MALRD1: variants seen among roughly 807,000 people sequenced by gnomAD.
MALRD1 encodes the protein MAM and LDL receptor class A domain containing 1.
In MALRD1, 247 loss-of-function variants were observed where a neutral mutation model predicts 242.1. The ratio of observed to expected loss-of-function variants is 1.02; its 90% CI spans 0.92 to 1.13. The LOEUF (loss-of-function observed/expected upper bound fraction) is 1.13, where lower values mean the gene tolerates loss of function less well. Ranked by LOEUF, MALRD1 falls within the 50% of genes most tolerant of loss-of-function variation. The probability of loss-of-function intolerance (pLI) is 0.00; values close to 1 mark genes in which losing one functional copy is unlikely to be tolerated. For missense variants in MALRD1, 2,989 were observed against 2,533.1 expected, an observed-to-expected ratio of 1.18 and a Z score of -3.86; for synonymous variants, 995 against 866.6, an observed-to-expected ratio of 1.15 and a Z score of -2.60.
intron 26 of MALRD1, among the ~76,000 whole-genome samples, chr10:19,354,435 A>G (rs551145204): frequency 6.5e-4 from 99 of 152,238 alleles, no homozygotes; most frequent in African/African-American, 2.3e-3. Flanking sequence ...AGAAATATTT[A>G]AACATTATGC....
At chr10:19,536,004 G>C (rs1388258570) in intron 32 of MALRD1, among the ~76,000 whole-genome samples, 1 of 152,216 alleles carries the variant, frequency 6.6e-6, no homozygotes, top group African/African-American at 2.4e-5. Flanking sequence ...TCTCAAAAGA[G>C]ATTCCAAATT....
intron 17 of MALRD1, among the ~76,000 whole-genome samples, chr10:19,207,908 C>A (rs1322200989): frequency 6.6e-6 from 1 of 152,108 alleles, no homozygotes; most frequent in Admixed American, 6.6e-5. Flanking sequence ...CACTTTGGTG[C>A]CATTATTAAG....
At chr10:19,602,560 G>A (rs1300088976) in intron 34 of MALRD1, among the ~76,000 whole-genome samples, 5 of 151,950 alleles carry the variant, frequency 3.3e-5, no homozygotes, top group Non-Finnish European at 5.9e-5. Context: ...GTTCCATGGT[G>A]TATATGTGTC....
chr10:19,137,089 A>G (rs1282270403), intron 10 of MALRD1, among the ~76,000 whole-genome samples: 5 of 152,170 alleles, frequency 3.3e-5, no homozygotes, highest in African/African-American at 9.7e-5. Context: ...TGGTAGAAGG[A>G]AACTTTTTGT....
intron 24 of MALRD1, among the ~76,000 whole-genome samples, chr10:19,338,320 C>T (rs895499821): frequency 3.9e-5 from 6 of 152,090 alleles, no homozygotes; most frequent in East Asian, 1.9e-4. Context: ...CTCTATGCTC[C>T]GCTTGTTTAT....
intron 32 of MALRD1, among the ~76,000 whole-genome samples, chr10:19,565,789 G>A (rs1355173276): frequency 2.0e-5 from 3 of 152,048 alleles, no homozygotes; most frequent in Admixed American, 1.3e-4. Flanking sequence ...GTAATTTTTT[G>A]CTTGAGAAAT....
At chr10:19,531,066 T>C (rs1197560290) in intron 31 of MALRD1, 128 bp from the exon 32 acceptor site, 5 of 757,376 alleles carry the variant, frequency 6.6e-6, no homozygotes, top group Admixed American at 3.3e-5. Flanking sequence ...ACTCCCAAAA[T>C]CAAAATGAGT....
chr10:19,351,786 T>G (rs1340785536), intron 25 of MALRD1, among the ~76,000 whole-genome samples: 2 of 152,150 alleles, frequency 1.3e-5, no homozygotes, highest in Non-Finnish European at 2.9e-5. Flanking sequence ...AATTTCTATT[T>G]GATTCTTCCT....
At chr10:19,190,430 T>G (rs1835921069) in intron 14 of MALRD1, among the ~76,000 whole-genome samples, 1 of 152,072 alleles carries the variant, frequency 6.6e-6, no homozygotes, top group African/African-American at 2.4e-5. Context: ...ATCACATTTT[T>G]TAGCTGAAAT....
intron 21 of MALRD1, among the ~76,000 whole-genome samples, 195 bp from the exon 22 acceptor site, chr10:19,323,754 A>G (rs572202919): frequency 1.3e-5 from 2 of 152,018 alleles, no homozygotes; most frequent in East Asian, 3.9e-4. Context: ...GATTACAGGC[A>G]CACGCCACCA....
At chr10:19,359,426 G>T (rs1312491618) in intron 26 of MALRD1, among the ~76,000 whole-genome samples, 1 of 152,062 alleles carries the variant, frequency 6.6e-6, no homozygotes, top group African/African-American at 2.4e-5. Flanking sequence ...TTCCAAACTG[G>T]TAGACAAAGA....
chr10:19,435,539 C>A (rs1006039993), intron 28 of MALRD1, among the ~76,000 whole-genome samples: 1 of 151,944 alleles, frequency 6.6e-6, no homozygotes, highest in African/African-American at 2.4e-5. Context: ...TTTTAGAATG[C>A]CCATTAATTG....
chr10:19,059,833 A>G (rs539306277), intron 1 of MALRD1, among the ~76,000 whole-genome samples: 1 of 152,192 alleles, frequency 6.6e-6, no homozygotes, highest in East Asian at 1.9e-4. Context: ...AAGCGGATTC[A>G]TTTTCTTTCT....
At chr10:19,630,919 G>T (rs889578949) in intron 36 of MALRD1, among the ~76,000 whole-genome samples, 1 of 152,018 alleles carries the variant, frequency 6.6e-6, no homozygotes, top group Admixed American at 6.6e-5. Flanking sequence ...TGGCTATAAA[G>T]TATATGAAAC....
intron 28 of MALRD1, among the ~76,000 whole-genome samples, chr10:19,437,775 A>G (rs1834411907): frequency 6.6e-6 from 1 of 152,168 alleles, no homozygotes; most frequent in South Asian, 2.1e-4. Context: ...CCATCGATAC[A>G]GTAATACATG....
intron 26 of MALRD1, among the ~76,000 whole-genome samples, chr10:19,353,644 T>C (rs2131003865): frequency 6.6e-6 from 1 of 152,318 alleles, no homozygotes; most frequent in East Asian, 1.9e-4. Context: ...TTTAAGACTG[T>C]AATGAAAGGG....
chr10:19,521,727 T>G (rs1282836470), intron 31 of MALRD1, among the ~76,000 whole-genome samples: 1 of 152,156 alleles, frequency 6.6e-6, no homozygotes, highest in Non-Finnish European at 1.5e-5. Flanking sequence ...TTATATGTAT[T>G]TAATACTACT....
In MALRD1 at chr10:19,331,428, T is replaced by C; in HGVS notation, c.3747T>C (p.Ile1249=). The change falls in exon 24 of 40, where the codon ATT becomes ATC. Residue 1249 remains isoleucine (I), a synonymous_variant. Coordinates refer to ENST00000454679, the MANE Select transcript of MALRD1 (RefSeq NM_001142308.3). The part of the protein sequence containing the change: ...SYIGDVAVDD[I]SFQDCSPLLS... Reference sequence around the variant, plus strand: ...TAGGAGATGTAGCAGTGGATGATATTTCCTTCCAAGATTGCTCCCCTTTGC... The same window carrying C: ...TAGGAGATGTAGCAGTGGATGATATCTCCTTCCAAGATTGCTCCCCTTTGC... The C allele has an allele frequency of 1.9e-6, 3 of 1,550,660 alleles. No individual in the cohort carries two copies. Among genetic ancestry groups the C allele is most frequent in the East Asian group, 2.4e-5 (1 of 40,888 alleles).
intron 36 of MALRD1, among the ~76,000 whole-genome samples, chr10:19,640,340 C>T (rs1271458253): frequency 6.6e-6 from 1 of 151,252 alleles, no homozygotes; most frequent in African/African-American, 2.5e-5. Flanking sequence ...CCACCCACCT[C>T]GGCCTCCCAA....
Sources: allele counts gnomAD v4.1 joint callset (sites outside exome capture counted in the v4.1 genomes callset), GRCh38; gene constraint gnomAD v4.1.1; transcripts MANE v1.5; gene names NCBI Gene and HGNC (gene_info 2026-07-23, HGNC 2026-07-21).